Variants in EML1 observed in about 807,000 individuals in gnomAD.
EML1 encodes echinoderm microtubule-associated protein-like 1.
A neutral mutation model predicts 110.4 loss-of-function variants in EML1; 27 were observed. The ratio of observed to expected loss-of-function variants is 0.24; its 90% CI spans 0.18 to 0.34. The LOEUF (loss-of-function observed/expected upper bound fraction) is 0.34. Ranked by LOEUF, EML1 falls within the 10% of genes least tolerant of loss-of-function variation. The pLI, the probability that EML1 is intolerant of heterozygous loss-of-function variation, is 1.00. For synonymous variants in EML1, 344 were observed against 385.8 expected (o/e 0.89, Z 1.27); for missense variants, 741 against 1,030.9 (o/e 0.72, Z 3.85).
At chr14:99,759,550 A>G (rs116344807) in intron 1 of EML1, among the ~76,000 whole-genome samples, 1 of 152,186 alleles carries the variant, frequency 6.6e-6, no homozygotes, top group East Asian at 1.9e-4. Flanking sequence ...CATATGTGTG[A>G]GCACTTCAGA....
intron 1 of EML1, among the ~76,000 whole-genome samples, chr14:99,762,450 T>C (rs1476869336): frequency 6.6e-6 from 1 of 152,186 alleles, no homozygotes. Context: ...TAATACTGGA[T>C]TAGCTTTTGC....
chr14:99,910,794 A>T (rs1566933096), intron 12 of EML1, among the ~76,000 whole-genome samples: 1 of 152,190 alleles, frequency 6.6e-6, no homozygotes, highest in Non-Finnish European at 1.5e-5. Context: ...GTGAGCAAAC[A>T]GTTTGCTAAG....
intron 1 of EML1, among the ~76,000 whole-genome samples, chr14:99,837,612 A>G (rs1238057382): frequency 6.6e-6 from 1 of 152,180 alleles, no homozygotes; most frequent in African/African-American, 2.4e-5. Context: ...TTTGATAGGA[A>G]CCTAAAAGAC....
chr14:99,876,920 G>A (rs2059302027), intron 3 of EML1, among the ~76,000 whole-genome samples: 2 of 152,170 alleles, frequency 1.3e-5, no homozygotes, highest in South Asian at 2.1e-4. Context: ...GCAAAGCTAC[G>A]AAAATGATAA....
chr14:99,911,618 A>G (rs2059948141), intron 13 of EML1, 42 bp downstream of exon 13: 1 of 1,588,444 alleles, frequency 6.3e-7, no homozygotes, highest in African/African-American at 1.4e-5. Flanking sequence ...TTTTAACCTT[A>G]AACTGTTATC....
At chr14:99,863,870 A>T (rs1431998825) in intron 2 of EML1, among the ~76,000 whole-genome samples, 16 of 152,274 alleles carry the variant, frequency 1.1e-4, no homozygotes, top group African/African-American at 3.9e-4. Context: ...TTACTGGATC[A>T]TATGGTGAAA....
At chr14:99,773,688 C>T (rs11849510) in exon 1 of EML1, 5,971 of 152,334 alleles carry the variant, frequency 0.039, 151 homozygotes, top group Middle Eastern at 0.054. Context: ...CACCCAGATG[C>T]GCAGGATCTT....
At chr14:99,889,160 G>A (rs972035262) in intron 4 of EML1, among the ~76,000 whole-genome samples, 1 of 152,174 alleles carries the variant, frequency 6.6e-6, no homozygotes, top group African/African-American at 2.4e-5. Flanking sequence ...CCTTTGAGGG[G>A]TGGGTGTGTA....
intron 17 of EML1, among the ~76,000 whole-genome samples, chr14:99,923,594 A>AATCG (rs1194127378): frequency 1.3e-5 from 2 of 152,196 alleles, no homozygotes; most frequent in Admixed American, 6.6e-5. Flanking sequence ...GTCAAAAATC[A>AATCG]ATCGATCAGA....
chr14:99,806,316 C>CTTTTTTT (rs1198890041), intron 1 of EML1, among the ~76,000 whole-genome samples: 3 of 87,752 alleles, frequency 3.4e-5, no homozygotes, highest in Non-Finnish European at 6.3e-5. Flanking sequence ...TCTCCAGAAT[C>CTTTTTTT]TTTTTTTTTT....
rs1052701073 is a variant in EML1 at position 99,796,827 on chromosome 14, G to A, written c.67+3284G>A. 3.9e-5 allele frequency among the ~76,000 whole-genome samples: 6 copies of A among 151,980 alleles called. No homozygotes were observed. In the East Asian group the frequency reaches 7.7e-4, roughly 20 times the overall value. On this transcript the variant is annotated intron_variant, in intron 1 of 21. Coordinates refer to ENST00000262233, the MANE Select transcript of EML1 (RefSeq NM_004434.3). ...ATCCTTCCTTTGTGCCTGAGAAAAC[G>A]GAGGCTCGAAGAGATTTGGCAACTT... is the stretch of plus-strand genomic sequence containing the variant.
At chr14:99,811,134 C>T (rs1392401766) in intron 1 of EML1, among the ~76,000 whole-genome samples, 1 of 147,984 alleles carries the variant, frequency 6.8e-6, no homozygotes, top group Admixed American at 6.7e-5. Flanking sequence ...GTGCTGAGCC[C>T]TAGCACAGTT....
intron 17 of EML1, among the ~76,000 whole-genome samples, chr14:99,923,806 T>C (rs1334176705): frequency 6.6e-6 from 1 of 152,222 alleles, no homozygotes; most frequent in Non-Finnish European, 1.5e-5. Context: ...CTTGTCTTTT[T>C]TTATTATTTT....
intron 2 of EML1, among the ~76,000 whole-genome samples, chr14:99,863,054 G>A (rs1323856857): frequency 6.6e-6 from 1 of 152,108 alleles, no homozygotes; most frequent in African/African-American, 2.4e-5. Context: ...ATCTGCCCTT[G>A]CTTATCCATC....
At chr14:99,747,440 A>AG (rs1174072349) in intron 1 of EML1, among the ~76,000 whole-genome samples, 13 of 150,628 alleles carry the variant, frequency 8.6e-5, no homozygotes, top group Admixed American at 8.6e-4. Context: ...CAGGGGTCTG[A>AG]GGGGGAAGGA....
intron 1 of EML1, among the ~76,000 whole-genome samples, chr14:99,795,805 C>T (rs2057760048): frequency 6.6e-6 from 1 of 152,170 alleles, no homozygotes; most frequent in African/African-American, 2.4e-5. Context: ...TTCATATGTT[C>T]AGTATGCGTC....
rs2057536226 is a variant in EML1, at chr14:99,781,206, A to G, written c.-27+7193A>G. Among the ~76,000 whole-genome samples, 1 of 151,206 alleles carries G rather than the reference A, an allele frequency of 6.6e-6. No individual in the cohort carries two copies. The highest frequency in any genetic ancestry group is 2.1e-4 in the South Asian group (1 of 4,762). ...TTTCCTCTAATTCTTTCCTCCTCCC[A>G]TCAAGTGTGCTTGGCTCTTCCCCTC... On this transcript the variant is annotated intron_variant, in intron 1 of 22. Coordinates refer to the EML1 transcript ENST00000327921. The surrounding 1 kb of genome is among the most constrained non-coding windows in gnomAD (Gnocchi z 4.2).
chr14:99,894,842 T>G, intron 6 of EML1, 84 bp downstream of exon 6: 1 of 1,455,554 alleles, frequency 6.9e-7, no homozygotes, highest in Non-Finnish European at 9.1e-7. Context: ...TCATAAAACT[T>G]AAGTCCTCTT....
intron 1 of EML1, among the ~76,000 whole-genome samples, chr14:99,761,008 A>T (rs2057308557): frequency 6.6e-6 from 1 of 152,042 alleles, no homozygotes; most frequent in Non-Finnish European, 1.5e-5. Flanking sequence ...CTCTCAGACC[A>T]ACCATGCCAA....
Sources: allele counts gnomAD v4.1 joint callset (sites outside exome capture counted in the v4.1 genomes callset), GRCh38; gene constraint gnomAD v4.1.1; non-coding constraint Gnocchi (gnomAD v3.1); transcripts MANE v1.5; gene names NCBI Gene and HGNC (gene_info 2026-07-23, HGNC 2026-07-21).